Variants in SYTL3 observed in about 807,000 individuals in gnomAD.
The protein encoded by SYTL3 is synaptotagmin like 3.
In SYTL3, 88 loss-of-function variants were observed where a neutral mutation model predicts 82.1. The ratio of observed to expected loss-of-function variants is 1.07; its 90% confidence interval spans 0.90 to 1.28. SYTL3 has a LOEUF of 1.28. SYTL3 is among the 50% of genes most tolerant of loss of function. The probability of loss-of-function intolerance (pLI) is 0.00; values close to 1 mark genes in which losing one functional copy is unlikely to be tolerated. For synonymous variants in SYTL3, 311 were observed against 289.4 expected (o/e 1.07, Z -0.76); for missense variants, 831 against 757.6 (o/e 1.10, Z -1.14).
intron 12 of SYTL3, among the ~76,000 whole-genome samples, chr6:158,751,462 C>A (rs967401074): frequency 6.6e-6 from 1 of 152,172 alleles, no homozygotes; most frequent in Non-Finnish European, 1.5e-5. Context: ...CACTTCTCAG[C>A]GGTTGGGAGG....
At chr6:158,749,390 GAAAAAAAAAAAA>G (rs1167978441) in intron 12 of SYTL3, among the ~76,000 whole-genome samples, 6 of 52,152 alleles carry the variant, frequency 1.2e-4, no homozygotes, top group East Asian at 6.5e-4. Context: ...GACTCTGTCT[GAAAAAAAAAAAA>G]AAAAAAAAGA....
chr6:158,645,616 A>C (rs77920944), upstream of SYTL3, among the ~76,000 whole-genome samples: 1,292 of 152,108 alleles, frequency 8.5e-3, 4 homozygotes, highest in Non-Finnish European at 0.014. Context: ...TCCATCAACA[A>C]CCCTTGTTAT....
rs926112909 is a variant in SYTL3 at position 158,757,319 on chromosome 6, G to T, written c.1246G>T (p.Ala416Ser). Residue 416 changes from alanine (A) to serine (S), a missense_variant, in exon 14 of 18, where the codon GCC becomes TCC. Transcript: ENST00000611299. ...VFLGEVIIPL[A>S]TWDFEDSTTQ... ...TCTTGGAGAAGTGATCATTCCTCTG[G>T]CCACGTGGGACTTTGAAGACAGCAC... 2.5e-6 allele frequency: 4 copies of T among 1,613,918 alleles called. No individual in the cohort carries two copies. The highest frequency in any genetic ancestry group is 3.4e-6 in the Non-Finnish European group (4 of 1,180,012).
chr6:158,705,384 CAGTG>C (rs1355959547), intron 6 of SYTL3, among the ~76,000 whole-genome samples: 7 of 146,316 alleles, frequency 4.8e-5, no homozygotes, highest in African/African-American at 1.8e-4. Flanking sequence ...GGCAGGGTGA[CAGTG>C]AGGGCTGTAA....
intron 14 of SYTL3, 84 bp downstream of exon 14, chr6:158,757,465 C>A: frequency 6.9e-7 from 1 of 1,448,016 alleles, no homozygotes. Flanking sequence ...GAAGAGAAAA[C>A]GTACCTGGCA....
At chr6:158,670,893 C>T (rs928833064) in intron 5 of SYTL3, among the ~76,000 whole-genome samples, 1 of 151,826 alleles carries the variant, frequency 6.6e-6, no homozygotes, top group African/African-American at 2.4e-5. Context: ...AGCTCCGCCT[C>T]CTGGGTTCAC....
At chr6:158,669,974 TGTC>T (rs1777179056) in intron 5 of SYTL3, among the ~76,000 whole-genome samples, 1 of 152,216 alleles carries the variant, frequency 6.6e-6, no homozygotes, top group African/African-American at 2.4e-5. Context: ...TTGTTGTTGT[TGTC>T]ATTCAGCATT....
intron 15 of SYTL3, 28 bp from the exon 16 acceptor site, chr6:158,762,048 T>C: frequency 6.5e-7 from 1 of 1,544,852 alleles, no homozygotes; most frequent in Non-Finnish European, 8.9e-7. Flanking sequence ...AGACATGGTT[T>C]GACAGTGAAT....
intron 6 of SYTL3, among the ~76,000 whole-genome samples, chr6:158,685,380 T>C (rs1177109001): frequency 6.6e-6 from 1 of 152,004 alleles, no homozygotes; most frequent in Non-Finnish European, 1.5e-5. Flanking sequence ...GTCTGACTAA[T>C]TTTTGTATTT....
At chr6:158,648,404 A>C (rs1460254849), upstream of SYTL3, among the ~76,000 whole-genome samples, 1 of 151,926 alleles carries the variant, frequency 6.6e-6, no homozygotes, top group African/African-American at 2.4e-5. Flanking sequence ...ATCCTGGCTA[A>C]CACGGTGAAA....
intron 10 of SYTL3, among the ~76,000 whole-genome samples, chr6:158,722,426 T>A (rs920030515): frequency 6.6e-6 from 1 of 152,116 alleles, no homozygotes; most frequent in Non-Finnish European, 1.5e-5. Context: ...AATCACGCGG[T>A]GACTCGGGGA....
chr6:158,713,693 G>A (rs1314077168), intron 8 of SYTL3, 107 bp from the exon 9 acceptor site: 29 of 795,296 alleles, frequency 3.6e-5, no homozygotes, highest in Middle Eastern at 2.2e-4. Flanking sequence ...ACACTCACTC[G>A]CACACACCCA....
intron 11 of SYTL3, among the ~76,000 whole-genome samples, chr6:158,742,172 A>G (rs933928059): frequency 6.6e-6 from 1 of 152,076 alleles, no homozygotes; most frequent in African/African-American, 2.4e-5. Context: ...ATAATCCATT[A>G]TTAGCAAAAA....
At position 158,680,587 on chromosome 6, in the gene SYTL3, A is replaced by AAAAAC. The variant is rs1554246958; in HGVS notation, c.330-2334_330-2333insCAAAA. Among the ~76,000 whole-genome samples the AAAAAC allele has an allele frequency of 4.0e-5, 6 of 151,338 alleles. No homozygotes were observed. In the East Asian group the frequency reaches 7.8e-4, roughly 20 times the overall value. On this transcript the variant is annotated intron_variant, in intron 5 of 17. Coordinates refer to ENST00000611299, the MANE Select transcript of SYTL3 (RefSeq NM_001242394.2). ...AACCCCGTCTCTACAAAAAAAAAAA[A>AAAAAC]AAAAAAACACAAAAATCAGCCAGGT... is the stretch of plus-strand genomic sequence containing the variant.
chr6:158,761,140 G>A (rs968311365), intron 15 of SYTL3, among the ~76,000 whole-genome samples: 5 of 152,048 alleles, frequency 3.3e-5, no homozygotes, highest in African/African-American at 1.2e-4. Context: ...CCCGCCCCCA[G>A]GCATGTGGGT....
chr6:158,714,964 G>C (rs960849919), intron 9 of SYTL3, among the ~76,000 whole-genome samples: 2 of 152,178 alleles, frequency 1.3e-5, no homozygotes, highest in Admixed American at 1.3e-4. Context: ...CCTTTCTTAG[G>C]GAGGAAGCAG....
chr6:158,717,435 G>T (rs1783557064), intron 9 of SYTL3, among the ~76,000 whole-genome samples: 1 of 151,892 alleles, frequency 6.6e-6, no homozygotes, highest in Middle Eastern at 3.2e-3. Context: ...TTGGAGGAGT[G>T]GGGTTCTCAA....
At chr6:158,679,019 A>G (rs1778362614) in intron 5 of SYTL3, among the ~76,000 whole-genome samples, 1 of 152,174 alleles carries the variant, frequency 6.6e-6, no homozygotes, top group African/African-American at 2.4e-5. Flanking sequence ...GACAGAGACT[A>G]CAGGATCTAT....
chr6:158,746,450 A>ATTAT (rs1554263734), intron 12 of SYTL3, among the ~76,000 whole-genome samples: 20 of 63,686 alleles, frequency 3.1e-4, no homozygotes, highest in African/African-American at 1.0e-3. Flanking sequence ...TATAATAATA[A>ATTAT]TAATAATAAT....
Sources: allele counts gnomAD v4.1 joint callset (sites outside exome capture counted in the v4.1 genomes callset), GRCh38; gene constraint gnomAD v4.1.1; transcripts MANE v1.5; gene names NCBI Gene and HGNC (gene_info 2026-07-23, HGNC 2026-07-21).